COL25A1: variants seen among roughly 807,000 people sequenced by gnomAD.
The protein encoded by COL25A1 is collagen alpha-1(XXV) chain.
Under a neutral mutation model 128.4 loss-of-function variants are expected in COL25A1, and 103 were observed. That is an observed-to-expected ratio of 0.80 (90% confidence interval 0.68 to 0.94). COL25A1 has a LOEUF of 0.94. Among genes scored for constraint, COL25A1 ranks in the 40% least tolerant of loss-of-function variants. The pLI is 0.00. For missense variants in COL25A1, 745 were observed against 840.0 expected (o/e 0.89, Z 1.40); for synonymous variants, 279 against 277.2 (o/e 1.01, Z -0.06).
At position 108,867,271 on chromosome 4, in the gene COL25A1, G is replaced by T. The variant is rs144675408; in HGVS notation, c.1083+1817C>A. 8.7e-4 allele frequency among the ~76,000 whole-genome samples: 132 copies of T among 152,236 alleles called. 1 individual carries two copies. In the Middle Eastern group the frequency reaches 0.01, roughly 12 times the overall value. ...GGCTTTCTCCTTCATTGACCAGGCCGCCCTTTCTTTGTGTATCATGCCCAT... is the reference window on the plus strand; with the variant it reads ...GGCTTTCTCCTTCATTGACCAGGCCTCCCTTTCTTTGTGTATCATGCCCAT... On this transcript the variant is annotated intron_variant, in intron 20 of 37. Coordinates refer to ENST00000399132, the MANE Select transcript of COL25A1 (RefSeq NM_198721.4).
intron 13 of COL25A1, among the ~76,000 whole-genome samples, chr4:108,916,669 A>G (rs867677121): frequency 6.6e-6 from 1 of 152,328 alleles, no homozygotes; most frequent in African/African-American, 2.4e-5. Context: ...ATAATTTTCA[A>G]ATCCATCTGA....
intron 13 of COL25A1, among the ~76,000 whole-genome samples, chr4:108,905,488 A>T (rs1476767346): frequency 6.6e-6 from 1 of 151,598 alleles, no homozygotes; most frequent in African/African-American, 2.4e-5. Flanking sequence ...CACAATGTGC[A>T]CATGTACCCT....
intron 3 of COL25A1, among the ~76,000 whole-genome samples, chr4:109,199,439 C>T (rs1776379224): frequency 6.6e-6 from 1 of 151,858 alleles, no homozygotes; most frequent in African/African-American, 2.4e-5. Flanking sequence ...GCCACCGTGC[C>T]CAGTCAAAAT....
At chr4:109,132,566 T>A (rs1183330742) in intron 3 of COL25A1, among the ~76,000 whole-genome samples, 1 of 152,170 alleles carries the variant, frequency 6.6e-6, no homozygotes, top group Admixed American at 6.5e-5. Flanking sequence ...TCCAAAAAAA[T>A]ACATTAAATA....
chr4:109,073,683 A>C (rs1383554622), intron 3 of COL25A1, among the ~76,000 whole-genome samples: 1 of 152,162 alleles, frequency 6.6e-6, no homozygotes, highest in East Asian at 1.9e-4. Flanking sequence ...ATGCTATCAT[A>C]TCTTTCCTGG....
intron 3 of COL25A1, among the ~76,000 whole-genome samples, chr4:109,242,605 C>G (rs1345157580): frequency 3.3e-5 from 5 of 151,994 alleles, no homozygotes; most frequent in African/African-American, 7.2e-5. Flanking sequence ...AACTCACATT[C>G]TATGTAAAAG....
At chr4:109,221,243 T>C (rs1175363036) in intron 3 of COL25A1, among the ~76,000 whole-genome samples, 1 of 152,160 alleles carries the variant, frequency 6.6e-6, no homozygotes, top group Non-Finnish European at 1.5e-5. Context: ...CCTATATTAC[T>C]CTTTGTATAA....
intron 3 of COL25A1, among the ~76,000 whole-genome samples, chr4:109,268,763 C>T (rs930643342): frequency 1.6e-4 from 24 of 152,084 alleles, no homozygotes; most frequent in Middle Eastern, 3.2e-3. Context: ...CTAGCCCCAA[C>T]GGTGTGAGCT....
At chr4:109,270,363 T>G (rs1782111028) in intron 3 of COL25A1, among the ~76,000 whole-genome samples, 1 of 152,182 alleles carries the variant, frequency 6.6e-6, no homozygotes, top group Admixed American at 6.5e-5. Context: ...ATAAGCAACT[T>G]CAGCAAAATC....
At chr4:108,834,732 T>G (rs1191460504) in intron 31 of COL25A1, among the ~76,000 whole-genome samples, 1 of 152,210 alleles carries the variant, frequency 6.6e-6, no homozygotes, top group Non-Finnish European at 1.5e-5. Flanking sequence ...CTAAAGACTG[T>G]GCTATTCACC....
At chr4:109,255,341 T>C (rs1340015715) in intron 3 of COL25A1, among the ~76,000 whole-genome samples, 3 of 152,106 alleles carry the variant, frequency 2.0e-5, no homozygotes, top group Non-Finnish European at 2.9e-5. Flanking sequence ...CCCAAAAAAA[T>C]ACCACATTGC....
intron 3 of COL25A1, among the ~76,000 whole-genome samples, chr4:109,056,601 T>C (rs1761466626): frequency 6.7e-6 from 1 of 148,560 alleles, no homozygotes; most frequent in African/African-American, 2.5e-5. Context: ...TGAATGAACA[T>C]AAAACACAAT....
intron 8 of COL25A1, among the ~76,000 whole-genome samples, chr4:108,970,385 C>T (rs1036553549): frequency 3.3e-5 from 5 of 152,088 alleles, no homozygotes; most frequent in African/African-American, 1.2e-4. Context: ...TTTACTTAAC[C>T]TACTTATTGG....
intron 3 of COL25A1, among the ~76,000 whole-genome samples, chr4:109,054,846 G>C (rs1172643494): frequency 1.3e-5 from 2 of 152,106 alleles, no homozygotes; most frequent in African/African-American, 4.8e-5. Context: ...GGGAAGTCTG[G>C]AGGACAAATG....
chr4:109,062,051 TTAAG>T (rs1762026897), intron 3 of COL25A1, among the ~76,000 whole-genome samples: 1 of 152,208 alleles, frequency 6.6e-6, no homozygotes, highest in East Asian at 1.9e-4. Context: ...TCTTTTGCCC[TTAAG>T]TAATAAAGAA....
intron 3 of COL25A1, among the ~76,000 whole-genome samples, chr4:109,182,111 T>A (rs1197743624): frequency 2.0e-5 from 3 of 152,142 alleles, no homozygotes; most frequent in Admixed American, 6.6e-5. Flanking sequence ...GACAGACACT[T>A]AAGTTGATTC....
At chr4:109,169,421 T>A (rs1773379855) in intron 3 of COL25A1, among the ~76,000 whole-genome samples, 1 of 152,190 alleles carries the variant, frequency 6.6e-6, no homozygotes, top group South Asian at 2.1e-4. Flanking sequence ...TATTCCCTTT[T>A]CCTTCACTTG....
At chr4:109,147,015 T>C (rs1485865163) in intron 3 of COL25A1, among the ~76,000 whole-genome samples, 2 of 152,040 alleles carry the variant, frequency 1.3e-5, no homozygotes, top group Non-Finnish European at 2.9e-5. Context: ...AACAAAACTG[T>C]GTGGACCTAG....
chr4:109,138,279 T>C (rs1770009450), intron 3 of COL25A1, among the ~76,000 whole-genome samples: 1 of 152,174 alleles, frequency 6.6e-6, no homozygotes, highest in African/African-American at 2.4e-5. Flanking sequence ...GAATGATGGT[T>C]CCCAGCTTCA....
Sources: gnomAD v4.1 joint callset for allele counts (sites outside exome capture counted in the v4.1 genomes callset) on GRCh38, gnomAD v4.1.1 for gene constraint, MANE v1.5 for transcripts, NCBI Gene and HGNC (gene_info 2026-07-23, HGNC 2026-07-21) for gene names.